The following MCC variants were observed in gnomAD, a reference collection of about 807,000 sequenced individuals.
MCC encodes colorectal mutant cancer protein.
A neutral mutation model predicts 116.2 loss-of-function variants in MCC; 90 were observed. That is an observed-to-expected ratio of 0.77 (90% CI 0.65 to 0.92). MCC has a LOEUF of 0.92. Among genes scored for constraint, MCC ranks in the 40% least tolerant of loss-of-function variants. The pLI, the probability that MCC is intolerant of heterozygous loss-of-function variation, is 0.00. For synonymous variants in MCC, 578 were observed against 510.5 expected, an observed-to-expected ratio of 1.13 and a Z score of -1.78; for missense variants, 1,516 against 1,312.2, an observed-to-expected ratio of 1.16 and a Z score of -2.40.
At chr5:113,312,477 T>C (rs1025507440) in intron 3 of MCC, among the ~76,000 whole-genome samples, 2 of 151,986 alleles carry the variant, frequency 1.3e-5, no homozygotes, top group Admixed American at 1.3e-4. Context: ...GGTGTTCAAG[T>C]CACAGAAACT....
chr5:113,027,408 A>G lies in MCC; in HGVS notation c.2954T>C (p.Met985Thr), dbSNP rs772788856. The G allele has an allele frequency of 1.2e-6, 2 of 1,614,170 alleles. No homozygotes were observed. Among genetic ancestry groups the G allele is most frequent in the Non-Finnish European group, 1.7e-6 (2 of 1,180,032 alleles). Residue 985 changes from methionine (M) to threonine (T), a missense_variant, in exon 19 of 19, where the codon ATG (methionine) becomes ACG (threonine). By Grantham distance (81) the Met-to-Thr change is moderately conservative (BLOSUM62 -1). Transcript: ENST00000408903. ...GGTCTCATGTCTCTCCACCATGGCC[A>G]TCATCTGCGACTCTAACTTCTTCAG... ...NKLKKLESQM[M>T]AMVERHETQV... is the part of the protein sequence containing the mutation.
intron 15 of MCC, 151 bp downstream of exon 15, chr5:113,053,574 A>G (rs904359306): frequency 1.8e-5 from 11 of 604,262 alleles, no homozygotes; most frequent in Non-Finnish European, 2.9e-5. Flanking sequence ...ACCCCCAGAC[A>G]TAGTGAAACC....
intron 1 of MCC, among the ~76,000 whole-genome samples, chr5:113,417,928 A>G (rs1170603891): frequency 6.6e-6 from 1 of 151,354 alleles, no homozygotes; most frequent in Non-Finnish European, 1.5e-5. Context: ...GTGAGACACT[A>G]TTTCCAAAAA....
chr5:113,134,352 G>A (rs1758659232), intron 5 of MCC, among the ~76,000 whole-genome samples: 1 of 152,052 alleles, frequency 6.6e-6, no homozygotes, highest in Admixed American at 6.6e-5. Flanking sequence ...TATGTTCTTG[G>A]TACCTCTGTC....
chr5:113,276,980 A>C (rs1180167116), intron 3 of MCC, among the ~76,000 whole-genome samples: 2 of 151,624 alleles, frequency 1.3e-5, no homozygotes, highest in South Asian at 4.2e-4. Context: ...ATCAAGGAAA[A>C]CTTGAAAAAA....
intron 2 of MCC, among the ~76,000 whole-genome samples, chr5:113,380,381 T>A (rs952264238): frequency 2.0e-5 from 3 of 152,230 alleles, no homozygotes; most frequent in Non-Finnish European, 4.4e-5. Flanking sequence ...ACTTTAAAGC[T>A]TATTGTCACT....
intron 3 of MCC, among the ~76,000 whole-genome samples, chr5:113,262,434 G>A (rs1362383089): frequency 6.6e-6 from 1 of 152,040 alleles, no homozygotes; most frequent in African/African-American, 2.4e-5. Context: ...AACCTGTTAG[G>A]GCTGGGCCCA....
rs1257943071 is a variant in MCC at position 113,180,565 on chromosome 5, T to C, written c.628-29143A>G. Among the ~76,000 whole-genome samples, 5 of 152,164 alleles carry C rather than the reference T, an allele frequency of 3.3e-5. 1 individual carries two copies. The highest frequency in any genetic ancestry group is 1.2e-4 in the African/African-American group (5 of 41,438). ...GGCTCTTTCTTCTTCAACTTCTGGG[T>C]AAAAGCATGGCCCAAGATTGACCAC... On this transcript the variant is annotated intron_variant, in intron 3 of 18. Transcript: ENST00000408903.
intron 1 of MCC, among the ~76,000 whole-genome samples, chr5:113,481,426 T>G (rs1772374839): frequency 2.0e-5 from 3 of 152,106 alleles, no homozygotes; most frequent in Admixed American, 2.0e-4. Context: ...ATTAAATAAA[T>G]AATGAGATTA....
intron 13 of MCC, among the ~76,000 whole-genome samples, chr5:113,066,502 G>A (rs1227942326): frequency 6.6e-6 from 1 of 152,156 alleles, no homozygotes; most frequent in Admixed American, 6.5e-5. Flanking sequence ...AAAAACCAGA[G>A]GGAGGATCAG....
At chr5:113,223,782 C>G (rs1267500163) in intron 3 of MCC, among the ~76,000 whole-genome samples, 1 of 152,170 alleles carries the variant, frequency 6.6e-6, no homozygotes, top group Non-Finnish European at 1.5e-5. Flanking sequence ...CTCATTTGTT[C>G]ATAGGTTTGT....
chr5:113,485,639 T>C (rs144605119), intron 1 of MCC, among the ~76,000 whole-genome samples: 4 of 152,288 alleles, frequency 2.6e-5, no homozygotes, highest in African/African-American at 7.2e-5. Flanking sequence ...TGAGGATGAA[T>C]GCTTTATGTG....
intron 3 of MCC, among the ~76,000 whole-genome samples, chr5:113,189,178 G>A (rs1301378709): frequency 2.6e-5 from 4 of 152,118 alleles, no homozygotes; most frequent in Non-Finnish European, 5.9e-5. Flanking sequence ...CAGTGACAGC[G>A]GCTGCCCTCA....
At chr5:113,065,278 G>A (rs1186981191) in intron 13 of MCC, among the ~76,000 whole-genome samples, 2 of 152,070 alleles carry the variant, frequency 1.3e-5, no homozygotes, top group South Asian at 2.1e-4. Context: ...GGGGGAGGCC[G>A]TGCATGTTGA....
At chr5:113,268,943 T>C (rs540360202) in intron 3 of MCC, among the ~76,000 whole-genome samples, 1 of 152,306 alleles carries the variant, frequency 6.6e-6, no homozygotes, top group South Asian at 2.1e-4. Context: ...ACTGATGTTA[T>C]CTATAAAAGC....
intron 1 of MCC, among the ~76,000 whole-genome samples, chr5:113,395,098 CT>C (rs1466699954): frequency 1.3e-5 from 2 of 152,158 alleles, no homozygotes; most frequent in Non-Finnish European, 1.5e-5. Context: ...ATCTTTGAGT[CT>C]GTAACACCTG....
intron 2 of MCC, among the ~76,000 whole-genome samples, chr5:113,341,729 AG>A (rs1279427877): frequency 6.6e-6 from 1 of 152,190 alleles, no homozygotes; most frequent in Non-Finnish European, 1.5e-5. Flanking sequence ...TGGAGCCACA[AG>A]GTAGATGGAA....
At chr5:113,218,237 G>A (rs1019201070) in intron 3 of MCC, among the ~76,000 whole-genome samples, 4 of 152,182 alleles carry the variant, frequency 2.6e-5, no homozygotes, top group East Asian at 1.9e-4. Flanking sequence ...AACTCTAAAT[G>A]TGTGCTGGGT....
chr5:113,037,384 G>T (rs1751393603), intron 17 of MCC, among the ~76,000 whole-genome samples: 1 of 152,268 alleles, frequency 6.6e-6, no homozygotes, highest in African/African-American at 2.4e-5. Context: ...GGGCTCTGTG[G>T]GCCACTGATG....
Sources: gnomAD v4.1 joint callset for allele counts (sites outside exome capture counted in the v4.1 genomes callset) on GRCh38, gnomAD v4.1.1 for gene constraint, MANE v1.5 for transcripts, NCBI Gene and HGNC (gene_info 2026-07-23, HGNC 2026-07-21) for gene names.